The following KCNH8 variants were observed in gnomAD, a reference collection of about 807,000 sequenced individuals.
KCNH8 encodes potassium voltage-gated channel subfamily H member 8.
Under a neutral mutation model 103.6 loss-of-function variants are expected in KCNH8, and 70 were observed. The ratio of observed to expected loss-of-function variants is 0.68; its 90% CI spans 0.56 to 0.82. The LOEUF (loss-of-function observed/expected upper bound fraction) is 0.82. KCNH8 is among the 40% of genes least tolerant of loss of function. The pLI, the probability that KCNH8 is intolerant of heterozygous loss-of-function variation, is 0.00. For missense variants in KCNH8, 1,217 were observed against 1,329.9 expected, an observed-to-expected ratio of 0.92 and a Z score of 1.32; for synonymous variants, 498 against 489.4, an observed-to-expected ratio of 1.02 and a Z score of -0.23.
intron 5 of KCNH8, among the ~76,000 whole-genome samples, chr3:19,356,203 C>T (rs1387683508): frequency 6.6e-6 from 1 of 151,886 alleles, no homozygotes; most frequent in Non-Finnish European, 1.5e-5. Flanking sequence ...GATGATATAT[C>T]TCTTTTGGAG....
Position 19,456,758 on chromosome 3 carries a change from CTCTT to C in KCNH8, c.1826-6_1826-3del, listed in dbSNP as rs1411400038. On this transcript the variant is annotated splice_region_variant and splice_polypyrimidine_tract_variant and intron_variant, in intron 10 of 15. Coordinates refer to ENST00000328405, the MANE Select transcript of KCNH8 (RefSeq NM_144633.3). ...TTTTTTTTGAAAATGATCTCTCTCT[CTCTT>C]TCTAGGGAAAGGGGATTTAATTGGA... The C allele has an allele frequency of 6.4e-7, 1 of 1,569,870 alleles. No homozygotes were observed. Among genetic ancestry groups the C allele is most frequent in the South Asian group, 1.1e-5 (1 of 89,838 alleles).
At chr3:19,223,696 T>A (rs1157841181) in intron 1 of KCNH8, among the ~76,000 whole-genome samples, 2 of 152,128 alleles carry the variant, frequency 1.3e-5, no homozygotes, top group Admixed American at 6.5e-5. Flanking sequence ...TTCGGTGACA[T>A]CATCTTTGTC....
rs189055077 is a variant in KCNH8, at chr3:19,327,040, G to C, written c.443-15547G>C. Among the ~76,000 whole-genome samples, 8 of 152,162 alleles carry C rather than the reference G, an allele frequency of 5.3e-5. No homozygotes were observed. In the South Asian group the frequency reaches 6.2e-4, roughly 12 times the overall value. ...CTAAGATGTCTAGTTCTCTCTCTCT[G>C]TCTTGCTTTCTCTTCTTATTCATTA... On this transcript the variant is annotated intron_variant, in intron 3 of 15. Transcript: ENST00000328405.
intron 2 of KCNH8, among the ~76,000 whole-genome samples, chr3:19,278,393 A>AGGAAGGAGGGAG (rs1454233746): frequency 2.5e-4 from 36 of 145,882 alleles, no homozygotes; most frequent in African/African-American, 6.2e-4. Flanking sequence ...AAAGGAAAAA[A>AGGAAGGAGGGAG]GGAAGGAGGG....
At chr3:19,397,510 C>T (rs1301446280) in intron 7 of KCNH8, among the ~76,000 whole-genome samples, 2 of 149,948 alleles carry the variant, frequency 1.3e-5, no homozygotes, top group African/African-American at 2.5e-5. Context: ...TACACACACA[C>T]ATATATATAC....
At chr3:19,327,501 T>A (rs1575529949) in intron 3 of KCNH8, among the ~76,000 whole-genome samples, 1 of 152,086 alleles carries the variant, frequency 6.6e-6, no homozygotes, top group Non-Finnish European at 1.5e-5. Flanking sequence ...TGTTGGCTGG[T>A]CTGGTCTTGA....
intron 1 of KCNH8, among the ~76,000 whole-genome samples, chr3:19,212,478 T>C (rs950356987): frequency 1.1e-4 from 16 of 152,226 alleles, no homozygotes; most frequent in Non-Finnish European, 2.2e-4. Context: ...TTCTGGGTAG[T>C]AATTTATTCT....
intron 5 of KCNH8, among the ~76,000 whole-genome samples, chr3:19,386,420 A>T (rs2066357412): frequency 6.6e-6 from 1 of 152,150 alleles, no homozygotes; most frequent in African/African-American, 2.4e-5. Flanking sequence ...TAGAGTATGT[A>T]TGGTAATTCT....
At chr3:19,385,304 CA>C (rs2066341673) in intron 5 of KCNH8, among the ~76,000 whole-genome samples, 2 of 151,854 alleles carry the variant, frequency 1.3e-5, no homozygotes, top group Admixed American at 1.3e-4. Context: ...TATGCACCCC[CA>C]AAAGATGTAC....
At position 19,535,292 on chromosome 3, in the gene KCNH8, A is replaced by T. The variant is rs2069246195; in HGVS notation, c.*1193A>T. On this transcript the variant is annotated 3_prime_UTR_variant, in exon 16 of 16. Coordinates refer to ENST00000328405, the MANE Select transcript of KCNH8 (RefSeq NM_144633.3). ...TAATACCAGCTTGCAATGGGTCAGC[A>T]CTTTACCTTTTTTCTTTAAGGCTCC... 2 of 152,158 alleles carry T rather than the reference A, an allele frequency of 1.3e-5. No individual in the cohort carries two copies. Among genetic ancestry groups the T allele is most frequent in the Admixed American group, 1.3e-4 (2 of 15,274 alleles). 9.4% of individuals were successfully genotyped at this position (152,158 alleles called of 1,614,324 possible).
chr3:19,449,451 T>G (rs2067411490), intron 8 of KCNH8, among the ~76,000 whole-genome samples: 1 of 151,852 alleles, frequency 6.6e-6, no homozygotes, highest in African/African-American at 2.4e-5. Context: ...ACTGCAGAGC[T>G]GGGGTTGGGC....
chr3:19,399,451 A>T (rs989812927), intron 7 of KCNH8, among the ~76,000 whole-genome samples: 2 of 151,974 alleles, frequency 1.3e-5, no homozygotes, highest in Non-Finnish European at 2.9e-5. Context: ...TAGCATCCTA[A>T]TGTGAGTTCT....
At chr3:19,297,702 T>C (rs2065014030) in intron 3 of KCNH8, among the ~76,000 whole-genome samples, 1 of 152,178 alleles carries the variant, frequency 6.6e-6, no homozygotes, top group Non-Finnish European at 1.5e-5. Flanking sequence ...ATGCTGGCTA[T>C]TGGTGAGTGG....
chr3:19,195,473 A>G (rs2063591851), intron 1 of KCNH8, among the ~76,000 whole-genome samples: 1 of 151,878 alleles, frequency 6.6e-6, no homozygotes, highest in South Asian at 2.1e-4. Context: ...TTCATGTCTC[A>G]TCTCTTCATA....
At chr3:19,254,344 A>G (rs1176005719) in intron 2 of KCNH8, among the ~76,000 whole-genome samples, 1 of 152,140 alleles carries the variant, frequency 6.6e-6, no homozygotes, top group Non-Finnish European at 1.5e-5. Flanking sequence ...TTAAAAAAAA[A>G]AATTGGCATA....
chr3:19,496,728 A>G (rs189710046), intron 11 of KCNH8, among the ~76,000 whole-genome samples: 4 of 152,124 alleles, frequency 2.6e-5, no homozygotes, highest in Non-Finnish European at 5.9e-5. Flanking sequence ...GAAGGAGTCT[A>G]TCCTCCTCAA....
At chr3:19,259,606 C>T (rs759921802) in intron 2 of KCNH8, among the ~76,000 whole-genome samples, 2 of 151,628 alleles carry the variant, frequency 1.3e-5, no homozygotes, top group Non-Finnish European at 2.9e-5. Flanking sequence ...CAGATTGATG[C>T]ACTTCAATTT....
intron 1 of KCNH8, among the ~76,000 whole-genome samples, chr3:19,231,440 CT>C (rs966039082): frequency 2.0e-5 from 3 of 151,972 alleles, no homozygotes; most frequent in Admixed American, 6.6e-5. Flanking sequence ...TGGAATTATA[CT>C]TTTTTTACAT....
In KCNH8 at chr3:19,398,764, C is replaced by T. The variant is rs190821303; in HGVS notation, c.1177+3453C>T. 1.3e-3 allele frequency among the ~76,000 whole-genome samples: 191 copies of T among 152,050 alleles called. 1 individual carries two copies. The highest frequency in any genetic ancestry group is 0.01 in the Admixed American group (155 of 15,226). On this transcript the variant is annotated intron_variant, in intron 7 of 15. Transcript: ENST00000328405. ...AAGCATTTATATTGGTATGTAGTAA[C>T]TGCTCAGTAAGTAACAGCTAGTATA... is the stretch of plus-strand genomic sequence containing the variant.
Sources: allele counts gnomAD v4.1 joint callset (sites outside exome capture counted in the v4.1 genomes callset), GRCh38; gene constraint gnomAD v4.1.1; transcripts MANE v1.5; gene names NCBI Gene and HGNC (gene_info 2026-07-23, HGNC 2026-07-21).